ADNP: variants seen among roughly 807,000 people sequenced by gnomAD.
ADNP encodes activity-dependent neuroprotector homeobox protein.
ADNP carries 4 observed loss-of-function variants against 84.9 expected under a neutral mutation model. That is an observed-to-expected ratio of 0.05 (90% CI 0.02 to 0.11). The LOEUF (loss-of-function observed/expected upper bound fraction) is 0.11, where lower values mean the gene tolerates loss of function less well. Ranked by LOEUF, ADNP falls within the 10% of genes least tolerant of loss-of-function variation. The pLI is 1.00. For missense variants in ADNP, 1,132 were observed against 1,326.0 expected, an observed-to-expected ratio of 0.85 and a Z score of 2.27; for synonymous variants, 554 against 468.1, an observed-to-expected ratio of 1.18 and a Z score of -2.37.
At chr20:50,923,204 C>T (rs1984071376) in intron 2 of ADNP, among the ~76,000 whole-genome samples, 1 of 152,170 alleles carries the variant, frequency 6.6e-6, no homozygotes, top group Admixed American at 6.5e-5. Flanking sequence ...TAAATTATTT[C>T]AGAAGCATGC....
At position 50,892,576 on chromosome 20, in the gene ADNP, G is replaced by A. The variant is rs375998490; in HGVS notation, c.2138C>T (p.Ala713Val). 4.4e-5 allele frequency: 71 copies of A among 1,614,084 alleles called. No homozygotes were observed. Among genetic ancestry groups the A allele is most frequent in the Non-Finnish European group, 5.9e-5 (70 of 1,180,046 alleles). Residue 713 changes from alanine (A) to valine (V), a missense_variant, in exon 6 of 6, where the codon GCA (alanine) becomes GTA (valine). Ala to Val is a moderately conservative substitution (Grantham distance 64). This residue lies in a region of ADNP where 101 missense variants were observed against 78.5 expected (regional missense o/e 1.29). Transcript: ENST00000621696. Reference protein sequence around the residue: ...PSRLNQSPSLAPVKRTYEQME... With the variant: ...PSRLNQSPSLVPVKRTYEQME... ...TTGCTCGTAAGTGCGCTTCACAGGT[G>A]CCAGACTTGGAGACTGATTAAGCCG...
rs1980400942 is a variant in ADNP at position 50,889,302 on chromosome 20, G to A, written c.*2103C>T. The A allele has an allele frequency of 6.6e-6, 1 of 152,198 alleles. No individual in the cohort carries two copies. The highest frequency in any genetic ancestry group is 2.1e-4 in the South Asian group (1 of 4,828). The allele number at this position is 152,198 out of a possible 1,614,324, so 9.4% of individuals were successfully genotyped here. A position where few individuals can be genotyped will look rare whatever the true frequency, so the allele number is the denominator to read the frequency against. On this transcript the variant is annotated 3_prime_UTR_variant, in exon 6 of 6. Coordinates refer to ENST00000621696, the MANE Select transcript of ADNP (RefSeq NM_001282531.3). ...GTACAACTCAGAAGCCTGTTAATCA[G>A]GGAGGGTAATTTCCAAATAAATGTG... is the stretch of plus-strand genomic sequence containing the variant.
At chr20:50,905,349 T>G (rs1568726168) in intron 2 of ADNP, 1 of 152,150 alleles carries the variant, frequency 6.6e-6, no homozygotes, top group South Asian at 2.1e-4. Flanking sequence ...CACCAGGAAT[T>G]AAAATTTAAT....
intron 1 of ADNP, among the ~76,000 whole-genome samples, chr20:50,930,310 G>A (rs1239480991): frequency 2.0e-5 from 3 of 152,120 alleles, no homozygotes; most frequent in Admixed American, 6.5e-5. Context: ...GGATTGCACA[G>A]GGGAGGCAAA....
chr20:50,911,580 T>C (rs928186291), intron 2 of ADNP, among the ~76,000 whole-genome samples: 1 of 151,578 alleles, frequency 6.6e-6, no homozygotes, highest in Non-Finnish European at 1.5e-5. Context: ...ACCCAACAGA[T>C]GACAGTCCCA....
chr20:50,908,815 T>C (rs1275807959), intron 2 of ADNP, among the ~76,000 whole-genome samples: 4 of 151,940 alleles, frequency 2.6e-5, no homozygotes, highest in Non-Finnish European at 4.4e-5. Flanking sequence ...TTCTCCTTTA[T>C]AAATGTGGAC....
Position 50,895,320 on chromosome 20 carries a change from G to C in ADNP, c.202-808C>G, listed in dbSNP as rs143019616. ...CTTAGGCTACAAACCTGTACAGCAT[G>C]TTTCTGTACTGATTACCATAGGCAA... On this transcript the variant is annotated intron_variant, in intron 5 of 5. Transcript: ENST00000621696. Among the ~76,000 whole-genome samples, 1,015 of 152,282 alleles carry C rather than the reference G, an allele frequency of 6.7e-3. 15 individuals are homozygous for C. The highest frequency in any genetic ancestry group is 0.023 in the African/African-American group (967 of 41,548).
Position 50,890,842 on chromosome 20 carries a change from G to C in ADNP, c.*563C>G, listed in dbSNP as rs1028644993. ...GAGCTTTTGCTAGGTAAACTAGATA[G>C]AGCGTTTATTACACAGCAAGGGCAA... On this transcript the variant is annotated 3_prime_UTR_variant, in exon 6 of 6. Transcript: ENST00000621696. 1.3e-5 allele frequency: 11 copies of C among 863,692 alleles called. No homozygotes were observed. The highest frequency in any genetic ancestry group is 1.5e-5 in the Non-Finnish European group (11 of 718,972). The allele number at this position is 863,692 out of a possible 1,614,324, so 53.5% of individuals were successfully genotyped here. A position where few individuals can be genotyped will look rare whatever the true frequency, so the allele number is the denominator to read the frequency against.
In ADNP at chr20:50,891,821, A is replaced by C. The variant is rs1568702628; in HGVS notation, c.2893T>G (p.Trp965Gly). The change falls in exon 6 of 6, where the codon TGG (tryptophan) becomes GGG (glycine). Residue 965 changes from tryptophan (W) to glycine (G), a missense_variant. Physicochemically the swap from Trp to Gly is radical, Grantham distance 184. Coordinates refer to ENST00000621696, the MANE Select transcript of ADNP (RefSeq NM_001282531.3). Reference protein sequence around the residue: ...SEVDQDDVVEWKDGASPSESG... With the variant: ...SEVDQDDVVEGKDGASPSESG... Reference sequence around the variant, plus strand: ...TCAGATGGAGAAGCACCGTCTTTCCACTCAACAACATCGTCTTGGTCAACC... The same window carrying C: ...TCAGATGGAGAAGCACCGTCTTTCCCCTCAACAACATCGTCTTGGTCAACC... 6.2e-7 allele frequency: 1 copy of C among 1,614,114 alleles called. No homozygotes were observed. The highest frequency in any genetic ancestry group is 8.5e-7 in the Non-Finnish European group (1 of 1,180,032).
intron 5 of ADNP, among the ~76,000 whole-genome samples, chr20:50,901,773 G>C (rs1982009980): frequency 6.6e-6 from 1 of 152,186 alleles, no homozygotes; most frequent in African/African-American, 2.4e-5. Flanking sequence ...GATACAGCAG[G>C]CTTCGTAACT....
Position 50,889,077 on chromosome 20 carries a change from T to G in ADNP, c.*2328A>C, listed in dbSNP as rs528587937. 1 of 152,346 alleles carries G rather than the reference T, an allele frequency of 6.6e-6. No individual in the cohort carries two copies. Among genetic ancestry groups the G allele is most frequent in the African/African-American group, 2.4e-5 (1 of 41,584 alleles). The allele number at this position is 152,346 out of a possible 1,614,324, so 9.4% of individuals were successfully genotyped here. On this transcript the variant is annotated 3_prime_UTR_variant, in exon 6 of 6. Transcript: ENST00000621696. ...TTTAAAATGGCTTTTATTGAGACAC[T>G]TGTAGGGATTCTGCAACATTTCCAG...
chr20:50,893,382 T>C lies in ADNP; in HGVS notation c.1332A>G (p.Gln444=). The change falls in exon 6 of 6, where the codon CAA becomes CAG. Residue 444 remains glutamine (Q), a synonymous_variant. Coordinates refer to ENST00000621696, the MANE Select transcript of ADNP (RefSeq NM_001282531.3). The surrounding 1 kb of genome is among the most constrained non-coding windows in gnomAD (Gnocchi z 4.4). ...TACAGATTGTACATATTTTCCACTT[T>C]TGAGTTGAGGAAGTGTTACCTGGGG... The part of the protein sequence containing the change: ...GPPPGNTSST[Q]KWKICTICNE... The C allele has an allele frequency of 1.2e-6, 2 of 1,614,236 alleles. No homozygotes were observed. Among genetic ancestry groups the C allele is most frequent in the African/African-American group, 2.7e-5 (2 of 75,062 alleles).
intron 5 of ADNP, among the ~76,000 whole-genome samples, chr20:50,899,988 G>A (rs921679267): frequency 6.6e-6 from 1 of 151,292 alleles, no homozygotes. Context: ...TAAGCTAAGT[G>A]TTATTACAAA....
At chr20:50,919,418 A>C (rs1983784561) in intron 2 of ADNP, among the ~76,000 whole-genome samples, 1 of 151,642 alleles carries the variant, frequency 6.6e-6, no homozygotes, top group Non-Finnish European at 1.5e-5. Flanking sequence ...TGGTGCCACT[A>C]TACTCCAGCC....
chr20:50,908,345 A>G (rs1420374856), intron 2 of ADNP, among the ~76,000 whole-genome samples: 1 of 152,178 alleles, frequency 6.6e-6, no homozygotes. Flanking sequence ...TCTTTGGAAA[A>G]AAGTTTCAAC....
intron 2 of ADNP, among the ~76,000 whole-genome samples, chr20:50,911,712 G>T (rs1021766793): frequency 7.3e-5 from 11 of 151,446 alleles, no homozygotes; most frequent in Admixed American, 5.9e-4. Flanking sequence ...GTATTTTTAC[G>T]GGCAGAAAAA....
intron 4 of ADNP, among the ~76,000 whole-genome samples, chr20:50,902,465 T>C (rs1038219525): frequency 1.3e-5 from 2 of 152,046 alleles, no homozygotes; most frequent in Non-Finnish European, 2.9e-5. Context: ...AAAATAGCAA[T>C]GTTTGCTTAC....
rs745861253 is a variant in ADNP, at chr20:50,891,529, A to G, written c.3185T>C (p.Ile1062Thr). Residue 1062 changes from isoleucine to threonine, a missense_variant, in exon 6 of 6, where the codon ATT becomes ACT. By Grantham distance (89) the Ile-to-Thr change is moderately conservative. Around this residue, in one of 10 missense-constraint regions of ADNP, gnomAD observed 381 missense variants for 319.9 expected, o/e 1.19. Transcript: ENST00000621696. Reference protein sequence around the residue: ...ENDERLSNPQIEWQNSTIDSE... With the variant: ...ENDERLSNPQTEWQNSTIDSE... ...GTCAATTGTGCTATTCTGCCACTCA[A>G]TCTGGGGGTTAGATAAGCGCTCATC... 114 of 1,611,920 alleles carry G rather than the reference A, an allele frequency of 7.1e-5. No individual in the cohort carries two copies. The highest frequency in any genetic ancestry group is 2.0e-4 in the Admixed American group (12 of 60,002).
In ADNP at chr20:50,892,616, T is replaced by C; in HGVS notation, c.2098A>G (p.Thr700Ala). ...VGKTQNGQDK[T>A]NAPSRLNQSP... The stretch of plus-strand genomic sequence containing the variant: ...TGATTAAGCCGAGAGGGTGCATTTG[T>C]CTTATCCTGGCCATTTTGGGTCTTT... The change falls in exon 6 of 6, where the codon ACA becomes GCA. Residue 700 changes from threonine (T) to alanine (A), a missense_variant. Thr to Ala is a moderately conservative substitution (Grantham distance 58). Transcript: ENST00000621696. 1 of 1,614,216 alleles carries C rather than the reference T, an allele frequency of 6.2e-7. No individual in the cohort carries two copies. The highest frequency in any genetic ancestry group is 1.3e-5 in the African/African-American group (1 of 75,050).
Sources: gnomAD v4.1 joint callset for allele counts (sites outside exome capture counted in the v4.1 genomes callset) on GRCh38, gnomAD v4.1.1 for gene constraint, gnomAD v4.1.1 regional missense constraint, Gnocchi (gnomAD v3.1) non-coding constraint, MANE v1.5 for transcripts, NCBI Gene and HGNC (gene_info 2026-07-23, HGNC 2026-07-21) for gene names.